Variants in CDC45 observed in about 807,000 individuals in gnomAD.
The protein encoded by CDC45 is cell division control protein 45 homolog.
A neutral mutation model predicts 77.8 loss-of-function variants in CDC45; 54 were observed. The ratio of observed to expected loss-of-function variants is 0.69; its 90% CI spans 0.56 to 0.87. The LOEUF is 0.87. Ranked by LOEUF, CDC45 falls within the 40% of genes least tolerant of loss-of-function variation. CDC45 has a pLI of 0.00. For missense variants in CDC45, 649 were observed against 721.6 expected (o/e 0.90, Z 1.15); for synonymous variants, 260 against 272.1 (o/e 0.96, Z 0.44).
rs112044749 is a variant in CDC45, at chr22:19,487,270, C to T, written c.486+3265C>T. 3.3e-3 allele frequency among the ~76,000 whole-genome samples: 460 copies of T among 137,494 alleles called. 3 individuals are homozygous for T. Among genetic ancestry groups the T allele is most frequent in the South Asian group, 0.019 (85 of 4,452 alleles). The allele number at this position is 137,494 out of a possible 152,430, so 90.2% of individuals were successfully genotyped here. On this transcript the variant is annotated intron_variant, in intron 5 of 18. Transcript: ENST00000263201. ...TCACGCCACTGCACTCCAGCCTGGG[C>T]GACAGAGCAATACTCTTGTCTCAAA... is the stretch of plus-strand genomic sequence containing the variant.
Position 19,508,678 on chromosome 22 carries a change from G to A in CDC45, c.1204G>A (p.Asp402Asn). The A allele has an allele frequency of 3.1e-6, 5 of 1,614,088 alleles. No individual in the cohort carries two copies. Among genetic ancestry groups the A allele is most frequent in the Non-Finnish European group, 4.2e-6 (5 of 1,179,992 alleles). The change falls in exon 13 of 19, where the codon GAC (aspartate) becomes AAC (asparagine). Residue 402 changes from aspartate to asparagine, a missense_variant. Asp to Asn is a conservative substitution (Grantham distance 23, BLOSUM62 1). Transcript: ENST00000263201. ...SGTDHFIQAL[D>N]SLSRSNLDKL... The stretch of plus-strand genomic sequence containing the variant: ...GACAGATCACTTCATCCAGGCTCTG[G>A]ACAGCCTCTCCAGGTAGCAGGAGGG...
intron 5 of CDC45, among the ~76,000 whole-genome samples, chr22:19,491,082 C>T (rs1007126834): frequency 6.6e-6 from 1 of 152,182 alleles, no homozygotes; most frequent in Non-Finnish European, 1.5e-5. Context: ...CTGCCTCAGC[C>T]TCCCAAAGTG....
At chr22:19,498,970 G>T (rs13447228) in intron 8 of CDC45, 131 bp from the exon 9 acceptor site, 1 of 972,222 alleles carries the variant, frequency 1.0e-6, no homozygotes. Context: ...GCAAGCCAGG[G>T]TCTGGCCCCA....
intron 12 of CDC45, 65 bp from the exon 13 acceptor site, chr22:19,508,465 G>T: frequency 1.3e-6 from 2 of 1,554,700 alleles, no homozygotes. Flanking sequence ...ACATCTGTTG[G>T]CCTGCCTGGC....
intron 4 of CDC45, 26 bp downstream of exon 4, chr22:19,482,853 CTG>C (rs1253537864): frequency 3.7e-6 from 6 of 1,609,910 alleles, no homozygotes; most frequent in Non-Finnish European, 5.1e-6. Context: ...TGCCCTCAAA[CTG>C]TCTGTACTTT....
At chr22:19,518,343 G>A (rs1161246668) in intron 17 of CDC45, among the ~76,000 whole-genome samples, 3 of 152,208 alleles carry the variant, frequency 2.0e-5, no homozygotes, top group Non-Finnish European at 2.9e-5. Flanking sequence ...CCATCCTGGG[G>A]CCTGGTTTTG....
chr22:19,485,673 CAT>C (rs1334674841), intron 5 of CDC45, among the ~76,000 whole-genome samples: 2 of 152,204 alleles, frequency 1.3e-5, no homozygotes, highest in African/African-American at 4.8e-5. Context: ...AAATGTTTAA[CAT>C]AATATTCATG....
intron 8 of CDC45, among the ~76,000 whole-genome samples, chr22:19,498,087 T>A (rs1277124594): frequency 6.6e-6 from 1 of 152,044 alleles, no homozygotes; most frequent in Non-Finnish European, 1.5e-5. Flanking sequence ...GGTAGGAGAA[T>A]CGCTTGAATC....
intron 9 of CDC45, among the ~76,000 whole-genome samples, chr22:19,504,776 A>G (rs1297379335): frequency 6.6e-6 from 1 of 152,192 alleles, no homozygotes; most frequent in Non-Finnish European, 1.5e-5. Flanking sequence ...TACAGGACCC[A>G]AAGGAATATC....
intron 13 of CDC45, among the ~76,000 whole-genome samples, chr22:19,512,509 G>A (rs971840748): frequency 3.5e-4 from 54 of 152,140 alleles, no homozygotes; most frequent in Middle Eastern, 3.4e-3. Context: ...CAATCTAGTT[G>A]CTCTACTTTT....
intron 6 of CDC45, among the ~76,000 whole-genome samples, chr22:19,495,448 A>G (rs963697835): frequency 6.6e-6 from 1 of 152,238 alleles, no homozygotes; most frequent in Non-Finnish European, 1.5e-5. Flanking sequence ...ATTCTGAACT[A>G]TACCACTTTA....
Position 19,505,500 on chromosome 22 carries a change from C to T in CDC45, c.824+19C>T. 1 of 1,613,178 alleles carries T rather than the reference C, an allele frequency of 6.2e-7. No homozygotes were observed. The highest frequency in any genetic ancestry group is 8.5e-7 in the Non-Finnish European group (1 of 1,179,340). On this transcript the variant is annotated intron_variant, in intron 10 of 18. Transcript: ENST00000263201. Reference sequence around the variant, plus strand: ...AGTATGAGTATCCTTGTGGCCCAGCCTGAGGGGCACAGGCAGCACCCCTGC... The same window carrying T: ...AGTATGAGTATCCTTGTGGCCCAGCTTGAGGGGCACAGGCAGCACCCCTGC...
At chr22:19,495,279 A>C (rs2090222487) in intron 6 of CDC45, among the ~76,000 whole-genome samples, 1 of 152,236 alleles carries the variant, frequency 6.6e-6, no homozygotes, top group Admixed American at 6.5e-5. Context: ...TAAACAGCCT[A>C]GTACTTAATT....
At chr22:19,509,827 T>C (rs1027513069) in intron 13 of CDC45, among the ~76,000 whole-genome samples, 3 of 152,158 alleles carry the variant, frequency 2.0e-5, no homozygotes, top group African/African-American at 7.2e-5. Flanking sequence ...CATATGTATA[T>C]ATGGGGGCCT....
chr22:19,508,573 T>G lies in CDC45; in HGVS notation c.1099T>G (p.Phe367Val), dbSNP rs770509042. 1.2e-6 allele frequency: 2 copies of G among 1,614,026 alleles called. No individual in the cohort carries two copies. The highest frequency in any genetic ancestry group is 1.7e-6 in the Non-Finnish European group (2 of 1,180,028). The change falls in exon 13 of 19, where the codon TTC (phenylalanine) becomes GTC (valine). Residue 367 changes from phenylalanine to valine, a missense_variant. Physicochemically the swap from Phe to Val is conservative, Grantham distance 50. Coordinates refer to ENST00000263201, the MANE Select transcript of CDC45 (RefSeq NM_003504.5). ...GCAGACTTTCAGCATTCATTTTGGG[T>G]TCAAGCACAAGTTTCTGGCCAGCGA... Reference protein sequence around the residue: ...RVQTFSIHFGFKHKFLASDVV... With the variant: ...RVQTFSIHFGVKHKFLASDVV...
intron 13 of CDC45, 60 bp downstream of exon 13, chr22:19,508,751 G>A: frequency 1.3e-6 from 2 of 1,553,456 alleles, no homozygotes; most frequent in Non-Finnish European, 1.8e-6. Context: ...CACTGCCCAG[G>A]GAGGTCAGTT....
At chr22:19,515,856 C>T (rs1417180995) in intron 15 of CDC45, among the ~76,000 whole-genome samples, 3 of 152,128 alleles carry the variant, frequency 2.0e-5, no homozygotes, top group Non-Finnish European at 2.9e-5. Flanking sequence ...TTACAGGATC[C>T]ATTCATTTAC....
At chr22:19,497,305 G>T (rs1292171875) in intron 7 of CDC45, 81 bp from the exon 8 acceptor site, 3 of 1,336,452 alleles carry the variant, frequency 2.2e-6, no homozygotes, top group Non-Finnish European at 3.2e-6. Flanking sequence ...GGCCCTTCTG[G>T]CTCAAGTCCA....
intron 9 of CDC45, among the ~76,000 whole-genome samples, chr22:19,501,866 C>T (rs927900177): frequency 2.0e-5 from 3 of 152,096 alleles, no homozygotes; most frequent in Non-Finnish European, 2.9e-5. Context: ...AGGCATGTGT[C>T]GCCATGCCTG....
Sources: gnomAD v4.1 joint callset for allele counts (sites outside exome capture counted in the v4.1 genomes callset) on GRCh38, gnomAD v4.1.1 for gene constraint, MANE v1.5 for transcripts, NCBI Gene and HGNC (gene_info 2026-07-23, HGNC 2026-07-21) for gene names.